The following SLC26A7 variants were observed in gnomAD, a reference collection of about 807,000 sequenced individuals.
SLC26A7 encodes the protein solute carrier family 26 member 7.
Under a neutral mutation model 82.5 loss-of-function variants are expected in SLC26A7, and 59 were observed. The observed-to-expected ratio is 0.72, with a 90% CI of 0.58 to 0.89. SLC26A7 has a LOEUF of 0.89. SLC26A7 is among the 40% of genes least tolerant of loss of function. The pLI is 0.00. For synonymous variants in SLC26A7, 271 were observed against 274.3 expected, an observed-to-expected ratio of 0.99 and a Z score of 0.12; for missense variants, 820 against 793.0, an observed-to-expected ratio of 1.03 and a Z score of -0.41.
intron 2 of SLC26A7, among the ~76,000 whole-genome samples, chr8:91,253,816 A>T (rs1350927680): frequency 6.6e-6 from 1 of 152,132 alleles, no homozygotes; most frequent in Non-Finnish European, 1.5e-5. Context: ...CTCTGGAAAC[A>T]AGACAATGTC....
intron 2 of SLC26A7, among the ~76,000 whole-genome samples, chr8:91,250,783 T>C (rs996029701): frequency 1.3e-5 from 2 of 152,132 alleles, no homozygotes; most frequent in Admixed American, 6.6e-5. Context: ...TGGAACAAAC[T>C]GGTTTGTGTA....
chr8:91,231,317 T>G (rs1015398477), intron 2 of SLC26A7, among the ~76,000 whole-genome samples: 1 of 152,336 alleles, frequency 6.6e-6, no homozygotes, highest in African/African-American at 2.4e-5. Flanking sequence ...TTAAGTCCTG[T>G]TTTAGACTAG....
intron 5 of SLC26A7, among the ~76,000 whole-genome samples, chr8:91,326,300 C>T (rs547149069): frequency 1.3e-5 from 2 of 152,260 alleles, no homozygotes; most frequent in East Asian, 3.9e-4. Flanking sequence ...GACGAGGTGG[C>T]TTAAACAACA....
At chr8:91,249,896 G>A (rs776183270) in intron 2 of SLC26A7, 52 bp downstream of exon 2, 14 of 1,377,058 alleles carry the variant, frequency 1.0e-5, no homozygotes, top group Non-Finnish European at 1.3e-5. Flanking sequence ...ATGTCACTTT[G>A]CTTCCTTGGA....
At chr8:91,355,966 G>A (rs867396061) in intron 11 of SLC26A7, among the ~76,000 whole-genome samples, 10 of 152,202 alleles carry the variant, frequency 6.6e-5, no homozygotes, top group African/African-American at 1.9e-4. Flanking sequence ...CTATGAGTGA[G>A]AACATACAGT....
chr8:91,337,655 A>T (rs564544350), intron 6 of SLC26A7, among the ~76,000 whole-genome samples: 1 of 152,318 alleles, frequency 6.6e-6, no homozygotes, highest in African/African-American at 2.4e-5. Context: ...AGTAAAAGCT[A>T]AAAATTTGAA....
intron 4 of SLC26A7, among the ~76,000 whole-genome samples, chr8:91,314,931 T>C (rs1448676): frequency 6.6e-6 from 1 of 152,128 alleles, no homozygotes; most frequent in Non-Finnish European, 1.5e-5. Flanking sequence ...CTGGACTCTT[T>C]TGTTTGTAAC....
At chr8:91,271,749 C>G (rs1811277011) in intron 2 of SLC26A7, among the ~76,000 whole-genome samples, 2 of 152,122 alleles carry the variant, frequency 1.3e-5, no homozygotes, top group South Asian at 4.1e-4. Flanking sequence ...CGCCTGCCAC[C>G]ATGCCCGGCT....
At chr8:91,263,194 C>G (rs1291630494) in intron 2 of SLC26A7, among the ~76,000 whole-genome samples, 1 of 151,942 alleles carries the variant, frequency 6.6e-6, no homozygotes, top group Non-Finnish European at 1.5e-5. Flanking sequence ...TATTTCAGTT[C>G]TGCAAGTCTC....
intron 11 of SLC26A7, among the ~76,000 whole-genome samples, chr8:91,358,905 G>A (rs188205185): frequency 1.8e-4 from 28 of 152,192 alleles, no homozygotes; most frequent in Non-Finnish European, 3.4e-4. Context: ...CACAGGAAGC[G>A]GAACATCAAC....
At chr8:91,330,859 A>G (rs888074677) in intron 5 of SLC26A7, among the ~76,000 whole-genome samples, 1 of 152,192 alleles carries the variant, frequency 6.6e-6, no homozygotes. Context: ...TATCTAAATT[A>G]GCTTTCTAGG....
At chr8:91,378,504 T>C (rs1433667679) in intron 15 of SLC26A7, among the ~76,000 whole-genome samples, 1 of 149,314 alleles carries the variant, frequency 6.7e-6, no homozygotes, top group Non-Finnish European at 1.5e-5. Context: ...TTATTAGGTA[T>C]ATATATGTTG....
At chr8:91,230,653 A>G (rs1216411050) in intron 2 of SLC26A7, among the ~76,000 whole-genome samples, 5 of 152,210 alleles carry the variant, frequency 3.3e-5, no homozygotes, top group Non-Finnish European at 7.3e-5. Context: ...TACTATAAAG[A>G]TTAAATGAAT....
chr8:91,297,632 A>G (rs1290837273), intron 4 of SLC26A7, among the ~76,000 whole-genome samples: 1 of 151,996 alleles, frequency 6.6e-6, no homozygotes, highest in Non-Finnish European at 1.5e-5. Context: ...GTTTTAGCCA[A>G]TTTTTAAGCA....
At chr8:91,362,114 G>C (rs1438575259) in intron 11 of SLC26A7, among the ~76,000 whole-genome samples, 2 of 152,014 alleles carry the variant, frequency 1.3e-5, no homozygotes, top group African/African-American at 4.8e-5. Flanking sequence ...TGAACTAAGG[G>C]TTGGCAGTGT....
intron 9 of SLC26A7, among the ~76,000 whole-genome samples, chr8:91,344,807 C>T (rs1380941278): frequency 6.6e-6 from 1 of 152,146 alleles, no homozygotes; most frequent in African/African-American, 2.4e-5. Context: ...GTGGCGTAAA[C>T]ATTTTTGCAA....
At chr8:91,239,473 T>C (rs907464078) in intron 2 of SLC26A7, among the ~76,000 whole-genome samples, 3 of 150,128 alleles carry the variant, frequency 2.0e-5, no homozygotes, top group African/African-American at 4.9e-5. Flanking sequence ...TGTGTATATA[T>C]GTATATATAT....
intron 2 of SLC26A7, among the ~76,000 whole-genome samples, chr8:91,231,803 G>A (rs1810314414): frequency 6.6e-6 from 1 of 152,108 alleles, no homozygotes. Flanking sequence ...ATGTGTGTGT[G>A]TGCACATGTG....
At chr8:91,347,429 C>T (rs189434839) in intron 9 of SLC26A7, among the ~76,000 whole-genome samples, 148 of 152,098 alleles carry the variant, frequency 9.7e-4, no homozygotes, top group Middle Eastern at 6.8e-3. Context: ...CTAATGGAGT[C>T]AAAATATTAT....
Sources: allele counts gnomAD v4.1 joint callset (sites outside exome capture counted in the v4.1 genomes callset), GRCh38; gene constraint gnomAD v4.1.1; transcripts MANE v1.5; gene names NCBI Gene and HGNC (gene_info 2026-07-23, HGNC 2026-07-21).